Variants in TRPM8 observed in about 807,000 individuals in gnomAD.
TRPM8 encodes transient receptor potential cation channel subfamily M member 8.
TRPM8 carries 110 observed loss-of-function variants against 133.7 expected under a neutral mutation model. The observed-to-expected ratio is 0.82, with a 90% CI of 0.70 to 0.96. The LOEUF (loss-of-function observed/expected upper bound fraction) is 0.96, where lower values mean the gene tolerates loss of function less well. Ranked by LOEUF, TRPM8 falls within the 40% of genes least tolerant of loss-of-function variation. TRPM8 has a pLI of 0.00. For missense variants in TRPM8, 1,291 were observed against 1,379.5 expected (o/e 0.94, Z 1.02); for synonymous variants, 535 against 532.3 (o/e 1.01, Z -0.07).
intron 7 of TRPM8, 120 bp downstream of exon 7, chr2:233,946,150 T>C (rs1319084711): frequency 7.1e-6 from 7 of 984,240 alleles, no homozygotes. Context: ...CAGGTATTTT[T>C]ATTGCCAAAG....
chr2:233,924,844 G>A (rs868715038), intron 1 of TRPM8, among the ~76,000 whole-genome samples: 22 of 152,224 alleles, frequency 1.4e-4, no homozygotes, highest in Admixed American at 3.9e-4. Context: ...TGAATACCTT[G>A]CAGGATTGAT....
chr2:233,964,689 TG>T lies in TRPM8; in HGVS notation c.1812del (p.Lys605ArgfsTer179). 6.2e-7 allele frequency: 1 copy of T among 1,612,250 alleles called. No individual in the cohort carries two copies. Among genetic ancestry groups the T allele is most frequent in the Non-Finnish European group, 8.5e-7 (1 of 1,179,106 alleles). On this transcript the variant is annotated frameshift_variant, in exon 14 of 26. Transcript: ENST00000324695. LOFTEE classifies it high-confidence loss of function. ...ASKLLKTLAK[V>X]KNDINAAGES... ...AAGCTTCTGAAGACTCTGGCCAAAG[TG>T]AAGAACGACATCAATGCTGCTGGGG...
chr2:233,975,818 G>A (rs1008315436), intron 17 of TRPM8, among the ~76,000 whole-genome samples: 3 of 152,180 alleles, frequency 2.0e-5, no homozygotes, highest in African/African-American at 7.2e-5. Context: ...GGAGGCAGAG[G>A]TTGCAGTGAG....
At position 233,960,910 on chromosome 2, in the gene TRPM8, C is replaced by G. The variant is rs769920281; in HGVS notation, c.1497C>G (p.Asn499Lys). 6.2e-7 allele frequency: 1 copy of G among 1,614,078 alleles called. No homozygotes were observed. Among genetic ancestry groups the G allele is most frequent in the Admixed American group, 1.7e-5 (1 of 60,012 alleles). ...ATGTCCTCACTGAACTCTTCTCCAA[C>G]CACTTCAGCACGCTTGTGTACCGGA... is the stretch of plus-strand genomic sequence containing the variant. ...THDVLTELFSNHFSTLVYRNL... is the reference protein window; with the variant it reads ...THDVLTELFSKHFSTLVYRNL... Residue 499 changes from asparagine (N) to lysine (K), a missense_variant, in exon 12 of 26, where the codon AAC (asparagine) becomes AAG (lysine). Physicochemically the swap from Asn to Lys is moderately conservative, Grantham distance 94. Transcript: ENST00000324695.
Position 234,014,224 on chromosome 2 carries a change from T to C in TRPM8, c.3265-338T>C, listed in dbSNP as rs138613483. Among the ~76,000 whole-genome samples the C allele has an allele frequency of 3.5e-3, 538 of 152,324 alleles. 9 individuals carry two copies. Among genetic ancestry groups the C allele is most frequent in the African/African-American group, 0.012 (503 of 41,596 alleles). The stretch of plus-strand genomic sequence containing the variant: ...TTAGTATCTTATACTTTTATTAATG[T>C]TAGTTACATAGAACATTATTCTTTT... On this transcript the variant is annotated intron_variant, in intron 24 of 25. Coordinates refer to ENST00000324695, the MANE Select transcript of TRPM8 (RefSeq NM_024080.5).
chr2:234,015,225 C>CCATGG (rs1312629339), intron 25 of TRPM8, among the ~76,000 whole-genome samples: 2 of 152,172 alleles, frequency 1.3e-5, no homozygotes, highest in East Asian at 3.8e-4. Flanking sequence ...AGGCTTTGCT[C>CCATGG]CATGGTCTTA....
At chr2:233,963,555 C>T (rs1691492045) in intron 13 of TRPM8, among the ~76,000 whole-genome samples, 178 bp downstream of exon 13, 1 of 152,112 alleles carries the variant, frequency 6.6e-6, no homozygotes. Context: ...AGGGACCGTC[C>T]CCGGAAAGTA....
intron 4 of TRPM8, among the ~76,000 whole-genome samples, chr2:233,938,106 C>A (rs1224976442): frequency 6.6e-6 from 1 of 152,156 alleles, no homozygotes; most frequent in East Asian, 1.9e-4. Flanking sequence ...ACTGCTGACT[C>A]CCCCAGGGCC....
intron 7 of TRPM8, chr2:233,946,477 C>T (rs1160172270): frequency 5.9e-6 from 1 of 168,908 alleles, no homozygotes; most frequent in Non-Finnish European, 1.3e-5. Flanking sequence ...AAACAGTGGT[C>T]TCAAGAGAAG....
chr2:233,948,527 A>C (rs999501407), intron 8 of TRPM8, among the ~76,000 whole-genome samples: 2 of 152,248 alleles, frequency 1.3e-5, no homozygotes, highest in Non-Finnish European at 2.9e-5. Context: ...GGGTGGAGAA[A>C]AAGTCATTGA....
At chr2:233,979,098 A>G (rs1457270490) in intron 17 of TRPM8, among the ~76,000 whole-genome samples, 1 of 152,164 alleles carries the variant, frequency 6.6e-6, no homozygotes, top group African/African-American at 2.4e-5. Flanking sequence ...GCAAAGTAGG[A>G]AATATAATAT....
At position 233,976,138 on chromosome 2, in the gene TRPM8, A is replaced by G. The variant is rs534977225; in HGVS notation, c.2356-4050A>G. 3.3e-5 allele frequency among the ~76,000 whole-genome samples: 5 copies of G among 152,288 alleles called. No individual in the cohort carries two copies. The South Asian group carries it at 8.3e-4, about 25-fold the overall frequency. The stretch of plus-strand genomic sequence containing the variant: ...ACAGCAATGGACCAAACAGACGAAG[A>G]TCTCTTCCCCTATGGAGCATTCTAC... On this transcript the variant is annotated intron_variant, in intron 17 of 25. Transcript: ENST00000324695.
At position 233,926,665 on chromosome 2, in the gene TRPM8, C is replaced by T. The variant is rs17863840; in HGVS notation, c.117+11C>T. The T allele has an allele frequency of 8.8e-3, 13,982 of 1,590,524 alleles. 103 individuals carry two copies. The highest frequency in any genetic ancestry group is 9.1e-3 in the Non-Finnish European group (10,529 of 1,158,706). Reference sequence around the variant, plus strand: ...TCTTACAGTGAAAGCGTAAGTCATGCGCATCACCTGTTTGAAAGGTTATCA... The same window carrying T: ...TCTTACAGTGAAAGCGTAAGTCATGTGCATCACCTGTTTGAAAGGTTATCA... On this transcript the variant is annotated intron_variant, in intron 2 of 25. Coordinates refer to ENST00000324695, the MANE Select transcript of TRPM8 (RefSeq NM_024080.5).
In TRPM8 at chr2:234,019,270, G is replaced by A. The variant is rs890431880; in HGVS notation, c.*2014G>A. On this transcript the variant is annotated 3_prime_UTR_variant, in exon 26 of 26. Coordinates refer to ENST00000324695, the MANE Select transcript of TRPM8 (RefSeq NM_024080.5). The stretch of plus-strand genomic sequence containing the variant: ...CAATACTGAGAAGCAACTTGCATTA[G>A]AGAGGGAACTGTTAAATGTTTTCAA... 6.6e-6 allele frequency: 1 copy of A among 152,152 alleles called. No individual in the cohort carries two copies. Among genetic ancestry groups the A allele is most frequent in the Non-Finnish European group, 1.5e-5 (1 of 68,014 alleles). The allele number at this position is 152,152 out of a possible 1,614,324, so 9.4% of individuals were successfully genotyped here.
At chr2:234,004,177 T>C (rs963254864) in intron 22 of TRPM8, among the ~76,000 whole-genome samples, 2 of 152,020 alleles carry the variant, frequency 1.3e-5, no homozygotes, top group African/African-American at 4.8e-5. Context: ...ACCAGAGAAA[T>C]GGTGTGTTTA....
chr2:233,963,510 G>A (rs940901528), intron 13 of TRPM8, 133 bp downstream of exon 13: 5 of 606,160 alleles, frequency 8.2e-6, no homozygotes, highest in Admixed American at 5.7e-5. Flanking sequence ...AGATGAACAT[G>A]GTCTCTGTTC....
chr2:233,961,385 A>G (rs1691433344), intron 12 of TRPM8, among the ~76,000 whole-genome samples: 1 of 152,060 alleles, frequency 6.6e-6, no homozygotes, highest in African/African-American at 2.4e-5. Context: ...AGCTCATTGC[A>G]ATCTCTGCCT....
chr2:233,959,785 C>T (rs56123979), intron 11 of TRPM8, among the ~76,000 whole-genome samples: 6,092 of 151,628 alleles, frequency 0.04, 134 homozygotes, highest in East Asian at 0.052. Context: ...AAGTAAACAT[C>T]GATGATCTTT....
chr2:233,921,667 CTTTTCTTTTCTTTTTT>C, intron 1 of TRPM8, among the ~76,000 whole-genome samples: 1 of 126,244 alleles, frequency 7.9e-6, no homozygotes, highest in South Asian at 2.6e-4. Flanking sequence ...TTTTCTTTTT[CTTTTCTTTTCTTTTTT>C]TTTTTTTTTT....
Sources: allele counts gnomAD v4.1 joint callset (sites outside exome capture counted in the v4.1 genomes callset), GRCh38; gene constraint gnomAD v4.1.1; transcripts MANE v1.5; gene names NCBI Gene and HGNC (gene_info 2026-07-23, HGNC 2026-07-21).